DHX37: variants seen among roughly 807,000 people sequenced by gnomAD.
The protein encoded by DHX37 is probable ATP-dependent RNA helicase DHX37.
A neutral mutation model predicts 134.3 loss-of-function variants in DHX37; 52 were observed. The observed-to-expected ratio is 0.39, with a 90% CI of 0.31 to 0.49. The LOEUF is 0.49. DHX37 is among the 20% of genes least tolerant of loss of function. The probability of loss-of-function intolerance (pLI) is 0.93; values close to 1 mark genes in which losing one functional copy is unlikely to be tolerated. For missense variants in DHX37, 1,344 were observed against 1,580.8 expected (o/e 0.85, Z 2.54); for synonymous variants, 634 against 670.7 (o/e 0.95, Z 0.85).
chr12:124,952,346 C>T (rs1953990912), intron 21 of DHX37, 52 bp downstream of exon 21: 2 of 1,536,686 alleles, frequency 1.3e-6, no homozygotes, highest in Non-Finnish European at 1.7e-6. Flanking sequence ...GCCCGCCTGC[C>T]CCTCACCAGG....
Position 124,977,326 on chromosome 12 carries a change from T to C in DHX37, c.887+16A>G, listed in dbSNP as rs1244048217. 9.9e-6 allele frequency: 15 copies of C among 1,514,198 alleles called. No individual in the cohort carries two copies. Among genetic ancestry groups the C allele is most frequent in the Non-Finnish European group, 1.3e-5 (15 of 1,133,342 alleles). The allele number at this position is 1,514,198 out of a possible 1,614,324, so 93.8% of individuals were successfully genotyped here. A position where few individuals can be genotyped will look rare whatever the true frequency, so the allele number is the denominator to read the frequency against. ...TCACTGAGGGACCCAGAGAGAACCCTGTGTCCAGCCCCTACCTGCTGAAGC... is the reference window on the plus strand; with the variant it reads ...TCACTGAGGGACCCAGAGAGAACCCCGTGTCCAGCCCCTACCTGCTGAAGC... On this transcript the variant is annotated intron_variant, in intron 5 of 26. Transcript: ENST00000308736.
In DHX37 at chr12:124,950,149, C is replaced by T. The variant is rs1355031251; in HGVS notation, c.3216G>A (p.Gln1072=). ...KHFARFLLEG[Q]VFRKLASYRS... is the part of the protein sequence containing the mutation. The stretch of plus-strand genomic sequence containing the variant: ...GGTCTGGAGCCGCTGTGCCACCTAC[C>T]TGCCCTTCCAGCAGGAACCGGGCAA... The change falls in exon 24 of 27, where the codon CAG becomes CAA. Residue 1072 remains glutamine, a splice_region_variant and synonymous_variant. Transcript: ENST00000308736. 1 of 1,614,054 alleles carries T rather than the reference C, an allele frequency of 6.2e-7. No individual in the cohort carries two copies. The highest frequency in any genetic ancestry group is 8.5e-7 in the Non-Finnish European group (1 of 1,180,042).
At position 124,966,780 on chromosome 12, in the gene DHX37, G is replaced by GC. The variant is rs2135948214; in HGVS notation, c.1590+12dup. 2 of 1,613,992 alleles carry GC rather than the reference G, an allele frequency of 1.2e-6. No individual in the cohort carries two copies. Among genetic ancestry groups the GC allele is most frequent in the Non-Finnish European group, 1.7e-6 (2 of 1,179,814 alleles). The stretch of plus-strand genomic sequence containing the variant: ...CCTTACTCTCCAGGAGTCCCTGCCA[G>GC]CCCCCCACGTACCTCAGCCCGCGCC... On this transcript the variant is annotated intron_variant, in intron 12 of 26. Coordinates refer to ENST00000308736, the MANE Select transcript of DHX37 (RefSeq NM_032656.4).
At chr12:124,951,488 T>G (rs7974771) in intron 21 of DHX37, among the ~76,000 whole-genome samples, 87,930 of 152,018 alleles carry the variant, frequency 0.58, 26,263 homozygotes, top group East Asian at 0.84. Flanking sequence ...ACAGCTTACA[T>G]ATGTGGGGTT....
In DHX37 at chr12:124,953,973, C is replaced by T. The variant is rs754580190; in HGVS notation, c.2602G>A (p.Ala868Thr). The T allele has an allele frequency of 1.2e-6, 2 of 1,613,624 alleles. No homozygotes were observed. Among genetic ancestry groups the T allele is most frequent in the Non-Finnish European group, 8.5e-7 (1 of 1,179,972 alleles). Reference sequence around the variant, plus strand: ...TCGCAAAACTGGGGTGTGCAGCTGGCATACTCACAGGCTCCCACGGCGCCT... The same window carrying T: ...TCGCAAAACTGGGGTGTGCAGCTGGTATACTCACAGGCTCCCACGGCGCCT... The part of the protein sequence containing the change: ...LLGAVGACEY[A>T]SCTPQFCEAN... The change falls in exon 20 of 27, where the codon GCC becomes ACC. Residue 868 changes from alanine (A) to threonine (T), a missense_variant. By Grantham distance (58) the Ala-to-Thr change is moderately conservative (BLOSUM62 0). Coordinates refer to ENST00000308736, the MANE Select transcript of DHX37 (RefSeq NM_032656.4).
intron 15 of DHX37, 141 bp downstream of exon 15, chr12:124,964,253 G>C (rs1054242378): frequency 1.5e-6 from 2 of 1,319,374 alleles, no homozygotes; most frequent in South Asian, 2.9e-5. Flanking sequence ...AAAGGGCTGG[G>C]GAGCACCCCA....
chr12:124,983,833 C>G (rs370144205), intron 2 of DHX37, among the ~76,000 whole-genome samples: 1 of 151,876 alleles, frequency 6.6e-6, no homozygotes, highest in Admixed American at 6.6e-5. Flanking sequence ...AAGTCTTCCC[C>G]CTACCAAGGC....
intron 10 of DHX37, among the ~76,000 whole-genome samples, chr12:124,967,797 A>G (rs1338311436): frequency 1.3e-5 from 2 of 152,166 alleles, no homozygotes; most frequent in Non-Finnish European, 1.5e-5. Flanking sequence ...GGCTGGGTGC[A>G]GTGGCTCACA....
rs756993586 is a variant in DHX37 at position 124,960,295 on chromosome 12, TG to T, written c.2157+16del. 3 of 1,606,936 alleles carry T rather than the reference TG, an allele frequency of 1.9e-6. No homozygotes were observed. The highest frequency in any genetic ancestry group is 2.6e-6 in the Non-Finnish European group (3 of 1,174,596). On this transcript the variant is annotated intron_variant, in intron 16 of 26. Coordinates refer to ENST00000308736, the MANE Select transcript of DHX37 (RefSeq NM_032656.4). ...CCACTGGGGTGGCTGAGAGCGGGGC[TG>T]GGGGCAGCAACTGACCTTTTCAACG...
chr12:124,958,419 G>A (rs1362293056), intron 16 of DHX37, among the ~76,000 whole-genome samples: 3 of 152,098 alleles, frequency 2.0e-5, no homozygotes, highest in African/African-American at 7.2e-5. Flanking sequence ...AGGCACTCCC[G>A]ACAGTGCTCC....
chr12:124,977,540 T>C, intron 4 of DHX37, 50 bp from the exon 5 acceptor site: 3 of 1,520,284 alleles, frequency 2.0e-6, no homozygotes, highest in Non-Finnish European at 2.6e-6. Flanking sequence ...CTATAGACAG[T>C]GATGGGACCT....
chr12:124,966,700 C>T lies in DHX37; in HGVS notation c.1590+93G>A, dbSNP rs565897981. 1.7e-4 allele frequency: 224 copies of T among 1,298,386 alleles called. 2 individuals are homozygous for T. Among genetic ancestry groups the T allele is most frequent in the East Asian group, 6.5e-4 (28 of 43,182 alleles). The allele number at this position is 1,298,386 out of a possible 1,614,324, so 80.4% of individuals were successfully genotyped here. A position where few individuals can be genotyped will look rare whatever the true frequency, so the allele number is the denominator to read the frequency against. ...TTTTAACTTCATTTTATTCCAATTACACTTAAACCTAAGCAGCCACATGGG... is the reference window on the plus strand; with the variant it reads ...TTTTAACTTCATTTTATTCCAATTATACTTAAACCTAAGCAGCCACATGGG... On this transcript the variant is annotated intron_variant, in intron 12 of 26. Coordinates refer to ENST00000308736, the MANE Select transcript of DHX37 (RefSeq NM_032656.4).
chr12:124,969,915 C>A (rs1193963175), intron 8 of DHX37, among the ~76,000 whole-genome samples: 7 of 23,200 alleles, frequency 3.0e-4, no homozygotes, highest in African/African-American at 1.9e-3. Flanking sequence ...TGAGACCCTG[C>A]CTCGAAAAAA....
intron 21 of DHX37, among the ~76,000 whole-genome samples, chr12:124,951,926 C>T (rs746340922): frequency 5.9e-5 from 9 of 152,078 alleles, no homozygotes; most frequent in African/African-American, 1.2e-4. Context: ...GAGCTGAGTT[C>T]GCACCACTAT....
intron 6 of DHX37, among the ~76,000 whole-genome samples, chr12:124,973,807 A>AT (rs1432657695): frequency 6.6e-6 from 1 of 151,598 alleles, no homozygotes; most frequent in Non-Finnish European, 1.5e-5. Flanking sequence ...CACCCAGCTA[A>AT]TTTTTTTGTA....
At position 124,977,448 on chromosome 12, in the gene DHX37, T is replaced by C; in HGVS notation, c.781A>G (p.Ile261Val). 1 of 1,611,478 alleles carries C rather than the reference T, an allele frequency of 6.2e-7. No homozygotes were observed. Among genetic ancestry groups the C allele is most frequent in the Non-Finnish European group, 8.5e-7 (1 of 1,179,150 alleles). Residue 261 changes from isoleucine (I) to valine (V), a missense_variant, in exon 5 of 27, where the codon ATC (isoleucine) becomes GTC (valine). By Grantham distance (29) the Ile-to-Val change is conservative. This residue lies in a region of DHX37 where 77 missense variants were observed against 121.6 expected (regional missense o/e 0.63). Transcript: ENST00000308736. ...KLPILSEEQV[I>V]MEAVAEHPIV... ...GGGTGCTCGGCCACAGCCTCCATGA[T>C]TACTTGTTCTTCGGAGAGAATTGGG... is the stretch of plus-strand genomic sequence containing the variant.
In DHX37 at chr12:124,973,638, C is replaced by CTTTTTTTT. The variant is rs71092252; in HGVS notation, c.981-1047_981-1040dup. On this transcript the variant is annotated intron_variant, in intron 6 of 26. Coordinates refer to ENST00000308736, the MANE Select transcript of DHX37 (RefSeq NM_032656.4). Reference sequence around the variant, plus strand: ...TTATGTATATGCGCCCCCCCCAACGCTTTTTTTTTTTTTTTTTTTTGAGAT... The same window carrying CTTTTTTTT: ...TTATGTATATGCGCCCCCCCCAACGCTTTTTTTTTTTTTTTTTTTTTTTTTTTTGAGAT... Among the ~76,000 whole-genome samples the CTTTTTTTT allele has an allele frequency of 1.9e-4, 20 of 102,874 alleles. 6 individuals are homozygous for CTTTTTTTT. The highest frequency in any genetic ancestry group is 5.6e-4 in the East Asian group (2 of 3,580). 67.5% of individuals were successfully genotyped at this position (102,874 alleles called of 152,430 possible).
chr12:124,989,129 G>C lies in DHX37; in HGVS notation c.-107C>G, dbSNP rs1954932791. 1 of 679,644 alleles carries C rather than the reference G, an allele frequency of 1.5e-6. No homozygotes were observed. The highest frequency in any genetic ancestry group is 5.9e-5 in the South Asian group (1 of 16,892). The allele number at this position is 679,644 out of a possible 1,614,324, so 42.1% of individuals were successfully genotyped here. A position where few individuals can be genotyped will look rare whatever the true frequency, so the allele number is the denominator to read the frequency against. ...CCAACTCCGGCCGTGAGACTTCCGG[G>C]TTGTGTTATCGCGAGAACTGTAACT... On this transcript the variant is annotated 5_prime_UTR_variant, in exon 1 of 27. Transcript: ENST00000308736.
intron 7 of DHX37, among the ~76,000 whole-genome samples, chr12:124,971,841 G>A (rs1418118281): frequency 2.0e-5 from 3 of 152,208 alleles, no homozygotes; most frequent in African/African-American, 7.2e-5. Context: ...CTCTGGACAC[G>A]CGTGCCACCC....
Sources: gnomAD v4.1 joint callset for allele counts (sites outside exome capture counted in the v4.1 genomes callset) on GRCh38, gnomAD v4.1.1 for gene constraint, gnomAD v4.1.1 regional missense constraint, MANE v1.5 for transcripts, NCBI Gene and HGNC (gene_info 2026-07-23, HGNC 2026-07-21) for gene names.